MTUS1: variants seen among roughly 807,000 people sequenced by gnomAD.
MTUS1 encodes the protein microtubule-associated tumor suppressor 1.
Under a neutral mutation model 120.8 loss-of-function variants are expected in MTUS1, and 109 were observed. The observed-to-expected ratio is 0.90, with a 90% CI of 0.77 to 1.06. The LOEUF (loss-of-function observed/expected upper bound fraction) is 1.06, where lower values mean the gene tolerates loss of function less well. Among genes scored for constraint, MTUS1 ranks in the 50% least tolerant of loss-of-function variants. MTUS1 has a pLI of 0.00. For missense variants in MTUS1, 2,210 were observed against 1,486.3 expected, an observed-to-expected ratio of 1.49 and a Z score of -8.01; for synonymous variants, 737 against 550.5, an observed-to-expected ratio of 1.34 and a Z score of -4.74.
intron 1 of MTUS1, among the ~76,000 whole-genome samples, chr8:17,759,255 T>C (rs551751344): frequency 3.3e-5 from 5 of 151,894 alleles, no homozygotes; most frequent in South Asian, 2.1e-4. Flanking sequence ...TTTTTACCAG[T>C]TGTCTTTTTT....
At chr8:17,655,264 G>A (rs1303520086) in intron 9 of MTUS1, among the ~76,000 whole-genome samples, 1 of 144,196 alleles carries the variant, frequency 6.9e-6, no homozygotes, top group East Asian at 2.0e-4. Context: ...AAAAAAAAAT[G>A]GGATATTTAA....
chr8:17,679,089 T>C (rs146891360), intron 7 of MTUS1, among the ~76,000 whole-genome samples: 145 of 152,334 alleles, frequency 9.5e-4, no homozygotes, highest in African/African-American at 3.2e-3. Flanking sequence ...AGTTACTAAG[T>C]AGACTTGCAA....
intron 2 of MTUS1, among the ~76,000 whole-genome samples, chr8:17,748,966 T>G (rs997347112): frequency 1.3e-5 from 2 of 152,234 alleles, no homozygotes; most frequent in East Asian, 3.9e-4. Flanking sequence ...AAACTACAAT[T>G]TGCAATTCTC....
chr8:17,734,850 A>G (rs1055862391), intron 3 of MTUS1, among the ~76,000 whole-genome samples: 1 of 152,210 alleles, frequency 6.6e-6, no homozygotes, highest in Admixed American at 6.5e-5. Flanking sequence ...AAGGTTTATG[A>G]GCAGAGCTCC....
chr8:17,755,566 C>G lies in MTUS1; in HGVS notation c.242G>C (p.Gly81Ala). The change falls in exon 2 of 15, where the codon GGT (glycine) becomes GCT (alanine). Residue 81 changes from glycine to alanine, a missense_variant. Gly to Ala is a moderately conservative substitution (Grantham distance 60). Transcript: ENST00000693296. ...GAAATCACTAGAAGACTTTTCATGA[C>G]CAAATACTTCAACACCCTGAAGGCT... ...SLSLQGVEVF[G>A]HEKSSSDFIS... The G allele has an allele frequency of 6.2e-7, 1 of 1,614,190 alleles. No individual in the cohort carries two copies. The highest frequency in any genetic ancestry group is 8.5e-7 in the Non-Finnish European group (1 of 1,180,026).
chr8:17,779,143 G>A (rs2050682353), intron 1 of MTUS1, among the ~76,000 whole-genome samples: 1 of 152,204 alleles, frequency 6.6e-6, no homozygotes, highest in Non-Finnish European at 1.5e-5. Context: ...TAGGTAAGGA[G>A]GCAGAGACTG....
At chr8:17,650,626 A>G (rs1337479180) in intron 12 of MTUS1, among the ~76,000 whole-genome samples, 1 of 152,152 alleles carries the variant, frequency 6.6e-6, no homozygotes, top group South Asian at 2.1e-4. Context: ...GGGAGGATCA[A>G]CTGAGCCAGG....
At chr8:17,761,136 T>C (rs971852427) in intron 1 of MTUS1, among the ~76,000 whole-genome samples, 2 of 152,066 alleles carry the variant, frequency 1.3e-5, no homozygotes, top group African/African-American at 4.8e-5. Context: ...TCCCTAAGGA[T>C]TTATAAGGAT....
intron 1 of MTUS1, among the ~76,000 whole-genome samples, chr8:17,791,747 G>C (rs1249929229): frequency 6.6e-6 from 1 of 152,138 alleles, no homozygotes; most frequent in African/African-American, 2.4e-5. Context: ...CCTGAGCCTA[G>C]AATTTAACTC....
chr8:17,656,969 G>C (rs1277479206), intron 8 of MTUS1, among the ~76,000 whole-genome samples: 1 of 146,464 alleles, frequency 6.8e-6, no homozygotes, highest in African/African-American at 2.5e-5. Context: ...TGAGGCAGGA[G>C]AATGGCGTGA....
intron 12 of MTUS1, among the ~76,000 whole-genome samples, chr8:17,652,749 T>A (rs918975729): frequency 3.3e-5 from 5 of 151,526 alleles, no homozygotes; most frequent in Non-Finnish European, 7.4e-5. Flanking sequence ...GGCAGGAGAC[T>A]CGCTTGAACC....
chr8:17,656,139 C>T (rs2130267086), intron 8 of MTUS1, 74 bp from the exon 9 acceptor site: 1 of 1,355,772 alleles, frequency 7.4e-7, no homozygotes, highest in East Asian at 2.3e-5. Context: ...TACAGTCACA[C>T]ACAGCTGTGA....
At chr8:17,693,492 G>C (rs142874620) in intron 6 of MTUS1, among the ~76,000 whole-genome samples, 23 of 152,270 alleles carry the variant, frequency 1.5e-4, no homozygotes, top group African/African-American at 5.3e-4. Flanking sequence ...TATTCTGGCC[G>C]GATCTCTACA....
chr8:17,654,590 A>C lies in MTUS1; in HGVS notation c.3185T>G (p.Leu1062Arg). The C allele has an allele frequency of 6.2e-7, 1 of 1,613,844 alleles. No individual in the cohort carries two copies. Among genetic ancestry groups the C allele is most frequent in the South Asian group, 1.1e-5 (1 of 91,072 alleles). ...EASHSEKLEL[L>R]KKAYEASLSE... The stretch of plus-strand genomic sequence containing the variant: ...AAGGGAGGCTTCATAGGCCTTCTTT[A>C]GCAATTCAAGTTTCTCTGAGTGGCT... The change falls in exon 10 of 15, where the codon CTA becomes CGA. Residue 1062 changes from leucine to arginine, a missense_variant. Coordinates refer to ENST00000693296, the MANE Select transcript of MTUS1 (RefSeq NM_001363059.2).
intron 1 of MTUS1, among the ~76,000 whole-genome samples, chr8:17,778,249 G>A (rs929747702): frequency 2.0e-5 from 3 of 151,966 alleles, no homozygotes; most frequent in Non-Finnish European, 2.9e-5. Context: ...AAACACATAC[G>A]CTAAGCAAAA....
chr8:17,731,926 C>G (rs2046612085), intron 3 of MTUS1, among the ~76,000 whole-genome samples: 3 of 152,336 alleles, frequency 2.0e-5, no homozygotes, highest in African/African-American at 7.2e-5. Context: ...CAAATACTTG[C>G]TTCCAACCTT....
intron 3 of MTUS1, among the ~76,000 whole-genome samples, chr8:17,735,216 C>T (rs796549928): frequency 8.5e-5 from 13 of 152,194 alleles, no homozygotes; most frequent in African/African-American, 3.1e-4. Flanking sequence ...TCACATGCCC[C>T]GAATTAAACT....
Position 17,754,192 on chromosome 8 carries a change from G to A in MTUS1, c.1616C>T (p.Ala539Val). Residue 539 changes from alanine to valine, a missense_variant, in exon 2 of 15, where the codon GCC (alanine) becomes GTC (valine). Physicochemically the swap from Ala to Val is moderately conservative, Grantham distance 64 (BLOSUM62 0). Transcript: ENST00000693296. Reference protein sequence around the residue: ...KVTPRPQQTSASSPSSVNSRQ... With the variant: ...KVTPRPQQTSVSSPSSVNSRQ... ...TGAATTCACTGATGAGGGTGATGAG[G>A]CACTGGTCTGCTGAGGTCTGGGCGT... The A allele has an allele frequency of 6.2e-7, 1 of 1,613,900 alleles. No homozygotes were observed.
intron 6 of MTUS1, among the ~76,000 whole-genome samples, chr8:17,710,394 G>T (rs1263015707): frequency 6.6e-6 from 1 of 152,148 alleles, no homozygotes; most frequent in Non-Finnish European, 1.5e-5. Flanking sequence ...ATCTTTACCA[G>T]GAGTAGATTC....
Sources: allele counts gnomAD v4.1 joint callset (sites outside exome capture counted in the v4.1 genomes callset), GRCh38; gene constraint gnomAD v4.1.1; transcripts MANE v1.5; gene names NCBI Gene and HGNC (gene_info 2026-07-23, HGNC 2026-07-21).